The following MSL3B variants were observed in gnomAD, a reference collection of about 807,000 sequenced individuals.
The protein encoded by MSL3B is MSL complex subunit 3 pseudogene 1.
At chr2:233,866,504 C>A in the MSL3B span, 9 of 1,231,158 alleles carry the variant, frequency 7.3e-6, no homozygotes, top group Non-Finnish European at 2.4e-6. Context: ...TGAAGATGAT[C>A]TGCTATGCAC....
At chr2:233,867,203 T>G in the MSL3B span, 4 of 774,938 alleles carry the variant, frequency 5.2e-6, no homozygotes, top group Middle Eastern at 6.8e-4. Context: ...CATTTCCCTT[T>G]TTGTTTGAAG....
the MSL3B span, chr2:233,865,305 C>G: frequency 6.6e-6 from 1 of 152,112 alleles, no homozygotes; most frequent in African/African-American, 2.4e-5. Context: ...CAGGGGGAGC[C>G]AGTTTATATA....
the MSL3B span, among the ~76,000 whole-genome samples, chr2:233,865,062 A>G: frequency 2.6e-5 from 4 of 152,190 alleles, no homozygotes; most frequent in Admixed American, 2.6e-4. Flanking sequence ...CAGTGGGAAG[A>G]TATGTCTCTG....
chr2:233,868,096 A>AT, the MSL3B span: 1 of 312,460 alleles, frequency 3.2e-6, no homozygotes, highest in Non-Finnish European at 6.8e-6. Flanking sequence ...CCAATCTACG[A>AT]TTTTCACTGG....
chr2:233,868,121 T>A, the MSL3B span: 1 of 351,834 alleles, frequency 2.8e-6, no homozygotes, highest in Non-Finnish European at 5.9e-6. Context: ...ACGAAGCACA[T>A]GATCTTCGGC....
At chr2:233,867,632 T>A in the MSL3B span, among the ~76,000 whole-genome samples, 2 of 141,382 alleles carry the variant, frequency 1.4e-5, no homozygotes, top group Admixed American at 1.4e-4. Context: ...CCCACCACCA[T>A]GTCCTGCTAA....
At chr2:233,866,867 G>A in the MSL3B span, 55 of 1,385,412 alleles carry the variant, frequency 4.0e-5, no homozygotes, top group Non-Finnish European at 5.5e-5. Flanking sequence ...TTGTTCATAG[G>A]GATAGAGTAA....
chr2:233,866,471 T>C, the MSL3B span: 1 of 1,271,082 alleles, frequency 7.9e-7, no homozygotes, highest in East Asian at 2.3e-5. Context: ...AGGACTCCCT[T>C]CCTGGCTAGG....
At chr2:233,866,719 ACT>A in the MSL3B span, 4 of 792,894 alleles carry the variant, frequency 5.0e-6, no homozygotes, top group Middle Eastern at 2.2e-4. Context: ...TGGTCGACTG[ACT>A]CTCTGTAGAC....
the MSL3B span, chr2:233,868,262 C>G: frequency 5.5e-6 from 2 of 361,962 alleles, no homozygotes; most frequent in South Asian, 2.6e-5. Flanking sequence ...GGGAGCGTCC[C>G]ACGGGAGCCT....
At chr2:233,868,120 A>G in the MSL3B span, 1 of 351,102 alleles carries the variant, frequency 2.8e-6, no homozygotes, top group Non-Finnish European at 5.9e-6. Flanking sequence ...CACGAAGCAC[A>G]TGATCTTCGG....
At chr2:233,867,515 G>T in the MSL3B span, 77 of 306,202 alleles carry the variant, frequency 2.5e-4, no homozygotes, top group Non-Finnish European at 3.9e-4. Context: ...CGGTATTGTT[G>T]CCCAGGATGG....
chr2:233,867,562 G>A, the MSL3B span: 7 of 226,996 alleles, frequency 3.1e-5, no homozygotes, highest in East Asian at 1.4e-4. Flanking sequence ...TGCAACCTCC[G>A]CCTCCCGGGT....
chr2:233,867,008 G>C, the MSL3B span: 2 of 1,287,094 alleles, frequency 1.6e-6, no homozygotes, highest in Non-Finnish European at 2.3e-6. Flanking sequence ...ATGGTGACGA[G>C]GCCTCTCATT....
chr2:233,867,070 CGTT>C, the MSL3B span: 1 of 1,191,042 alleles, frequency 8.4e-7, no homozygotes, highest in Non-Finnish European at 1.3e-6. Flanking sequence ...ATTCCAAAAT[CGTT>C]ATGATGTTGG....
the MSL3B span, chr2:233,866,078 G>T: frequency 2.1e-6 from 1 of 470,778 alleles, no homozygotes; most frequent in Admixed American, 2.8e-5. Flanking sequence ...TTTTTACCTG[G>T]AACTCAGAAC....
At chr2:233,865,124 T>C in the MSL3B span, among the ~76,000 whole-genome samples, 74 of 152,346 alleles carry the variant, frequency 4.9e-4, no homozygotes, top group Admixed American at 1.2e-3. Context: ...TTTTCTCTTA[T>C]GTAGCAATTT....
the MSL3B span, chr2:233,866,421 T>C: frequency 8.3e-7 from 1 of 1,204,174 alleles, no homozygotes; most frequent in African/African-American, 1.5e-5. Context: ...AGGACCTCAT[T>C]TATTTCATTA....
At chr2:233,865,003 T>C in the MSL3B span, among the ~76,000 whole-genome samples, 4 of 152,192 alleles carry the variant, frequency 2.6e-5, no homozygotes, top group Non-Finnish European at 4.4e-5. Flanking sequence ...GGGTGGCACG[T>C]CATTCTCTCA....
Sources: gnomAD v4.1 joint callset for allele counts (sites outside exome capture counted in the v4.1 genomes callset) on GRCh38, gnomAD v4.1.1 for gene constraint, MANE v1.5 for transcripts, NCBI Gene and HGNC (gene_info 2026-07-23, HGNC 2026-07-21) for gene names.